CDIN1: variants seen among roughly 807,000 people sequenced by gnomAD.
The protein encoded by CDIN1 is CDAN1 interacting nuclease 1, also known as CDAN1-interacting nuclease 1.
Under a neutral mutation model 45.3 loss-of-function variants are expected in CDIN1, and 33 were observed. That is an observed-to-expected ratio of 0.73 (90% CI 0.55 to 0.97). CDIN1 has a LOEUF of 0.97. Among genes scored for constraint, CDIN1 ranks in the 50% least tolerant of loss-of-function variants. The pLI, the probability that CDIN1 is intolerant of heterozygous loss-of-function variation, is 0.00. For missense variants in CDIN1, 303 were observed against 339.4 expected (o/e 0.89, Z 0.84); for synonymous variants, 118 against 124.4 (o/e 0.95, Z 0.34).
At chr15:36,603,173 TTAAC>T (rs1464195773) in intron 1 of CDIN1, among the ~76,000 whole-genome samples, 1 of 151,966 alleles carries the variant, frequency 6.6e-6, no homozygotes, top group Non-Finnish European at 1.5e-5. Context: ...CTCTCCTTCC[TTAAC>T]TATTAGCCCT....
chr15:36,678,060 C>A (rs531064229), intron 5 of CDIN1, among the ~76,000 whole-genome samples: 3 of 152,320 alleles, frequency 2.0e-5, no homozygotes, highest in Admixed American at 6.5e-5. Flanking sequence ...TTATTTCTTA[C>A]ATGATTATGT....
At chr15:36,751,229 T>TTATATATATATATATATATATATATA (rs10557235) in intron 10 of CDIN1, among the ~76,000 whole-genome samples, 19 of 97,568 alleles carry the variant, frequency 1.9e-4, no homozygotes, top group Non-Finnish European at 2.9e-4. Flanking sequence ...TATGCTTATT[T>TTATATATATATATATATATATATATA]TATATATATA....
chr15:36,721,796 C>T (rs935644695), intron 10 of CDIN1, among the ~76,000 whole-genome samples: 1 of 151,864 alleles, frequency 6.6e-6, no homozygotes, highest in East Asian at 1.9e-4. Context: ...CTCTGTCTGT[C>T]TGTCTGTCTC....
intron 5 of CDIN1, 61 bp downstream of exon 5, chr15:36,657,966 T>C: frequency 7.3e-7 from 1 of 1,372,246 alleles, no homozygotes; most frequent in Non-Finnish European, 1.0e-6. Context: ...TAAAAATAAT[T>C]TACACAGCAT....
chr15:36,589,163 T>G (rs1260678018), intron 1 of CDIN1, among the ~76,000 whole-genome samples: 4 of 152,192 alleles, frequency 2.6e-5, no homozygotes, highest in Admixed American at 6.5e-5. Context: ...GAATTTGCCA[T>G]TGTTTTTATT....
At chr15:36,636,380 A>G (rs749105427) in intron 1 of CDIN1, among the ~76,000 whole-genome samples, 2 of 152,014 alleles carry the variant, frequency 1.3e-5, no homozygotes, top group African/African-American at 2.4e-5. Flanking sequence ...GTGAAACCCC[A>G]TCTCTACTAA....
intron 1 of CDIN1, among the ~76,000 whole-genome samples, chr15:36,590,041 CCTT>C (rs774140964): frequency 6.6e-6 from 1 of 152,180 alleles, no homozygotes; most frequent in Non-Finnish European, 1.5e-5. Flanking sequence ...AGTCAGTAGT[CCTT>C]CTTCGTAAGC....
chr15:36,774,137 T>A (rs182511390), intron 10 of CDIN1, among the ~76,000 whole-genome samples: 1 of 68,294 alleles, frequency 1.5e-5, no homozygotes, highest in Non-Finnish European at 3.6e-5. Flanking sequence ...GACAGGGGTG[T>A]GTGTGTGTGT....
rs770108838 is a variant in CDIN1 at position 36,579,880 on chromosome 15, A to T, written c.20A>T (p.Gln7Leu). The T allele has an allele frequency of 2.5e-6, 4 of 1,613,912 alleles. No individual in the cohort carries two copies. Among genetic ancestry groups the T allele is most frequent in the South Asian group, 1.1e-5 (1 of 91,040 alleles). MILTKAQYDEIAQCLVS... is the reference protein window; with the variant it reads MILTKALYDEIAQCLVS... ...CCCAACATGATACTGACCAAAGCTCAGTACGACGAGATAGCCCAGTGCCTA... is the reference window on the plus strand; with the variant it reads ...CCCAACATGATACTGACCAAAGCTCTGTACGACGAGATAGCCCAGTGCCTA... Residue 7 changes from glutamine to leucine, a missense_variant, in exon 1 of 11, where the codon CAG (glutamine) becomes CTG (leucine). By Grantham distance (113) the Gln-to-Leu change is moderately radical. Coordinates refer to ENST00000566621, the MANE Select transcript of CDIN1 (RefSeq NM_001321759.2).
chr15:36,801,195 A>G (rs549115133), intron 10 of CDIN1, among the ~76,000 whole-genome samples: 1 of 151,782 alleles, frequency 6.6e-6, no homozygotes, highest in Non-Finnish European at 1.5e-5. Context: ...TGTTTATGCA[A>G]TTATGGTAAT....
rs763902384 is a variant in CDIN1 at position 36,808,382 on chromosome 15, C to T, written c.775C>T (p.Arg259Trp). Reference protein sequence around the residue: ...YGFIQELDCNRERGILLKACF... With the variant: ...YGFIQELDCNWERGILLKACF... ...ATTTATCCAGGAGCTGGACTGCAAC[C>T]GGGAAAGGGGCATCCTGCTCAAAGC... Residue 259 changes from arginine (R) to tryptophan (W), a missense_variant, in exon 11 of 11, where the codon CGG becomes TGG. Physicochemically the swap from Arg to Trp is moderately radical, Grantham distance 101. Transcript: ENST00000566621. 2.3e-5 allele frequency: 37 copies of T among 1,613,574 alleles called. No homozygotes were observed. The highest frequency in any genetic ancestry group is 1.5e-4 in the South Asian group (14 of 91,064).
intron 7 of CDIN1, among the ~76,000 whole-genome samples, chr15:36,692,465 G>A (rs949389225): frequency 2.6e-5 from 4 of 152,218 alleles, no homozygotes; most frequent in African/African-American, 7.2e-5. Flanking sequence ...GGCAGGTAAC[G>A]TAATGTCTTG....
At chr15:36,689,192 G>A (rs1460908155) in intron 5 of CDIN1, among the ~76,000 whole-genome samples, 1 of 152,054 alleles carries the variant, frequency 6.6e-6, no homozygotes, top group Non-Finnish European at 1.5e-5. Flanking sequence ...AATTTATATT[G>A]TGAGGAAAAT....
chr15:36,589,213 C>T (rs1197362032), intron 1 of CDIN1, among the ~76,000 whole-genome samples: 1 of 151,838 alleles, frequency 6.6e-6, no homozygotes, highest in Non-Finnish European at 1.5e-5. Context: ...TTGAATTTTC[C>T]TTAGAAACAA....
intron 7 of CDIN1, among the ~76,000 whole-genome samples, chr15:36,696,912 G>C (rs565310806): frequency 5.4e-4 from 75 of 137,686 alleles, no homozygotes; most frequent in Admixed American, 9.0e-4. Flanking sequence ...AGGAGTTTGA[G>C]ACCAGCCTGA....
chr15:36,732,148 C>G lies in CDIN1; in HGVS notation c.716+22187C>G, dbSNP rs192499761. Among the ~76,000 whole-genome samples, 14 of 152,176 alleles carry G rather than the reference C, an allele frequency of 9.2e-5. No individual in the cohort carries two copies. In the East Asian group the frequency reaches 2.7e-3, roughly 29 times the overall value. Reference sequence around the variant, plus strand: ...CAGGACTTCCTTTGCCCCTCTATAGCCAAAAAATAAATTTGAGAAGTTTGG... The same window carrying G: ...CAGGACTTCCTTTGCCCCTCTATAGGCAAAAAATAAATTTGAGAAGTTTGG... On this transcript the variant is annotated intron_variant, in intron 10 of 10. Transcript: ENST00000566621.
intron 10 of CDIN1, among the ~76,000 whole-genome samples, chr15:36,792,233 T>C (rs565215731): frequency 5.3e-5 from 8 of 152,164 alleles, no homozygotes; most frequent in Non-Finnish European, 1.0e-4. Context: ...CTTAGAGCCA[T>C]AGAGTTTGTA....
chr15:36,718,326 A>G (rs901179419), intron 10 of CDIN1, among the ~76,000 whole-genome samples: 1 of 152,136 alleles, frequency 6.6e-6, no homozygotes, highest in Non-Finnish European at 1.5e-5. Flanking sequence ...TTTCAAAGTT[A>G]CATTTTGCTG....
intron 5 of CDIN1, among the ~76,000 whole-genome samples, chr15:36,686,961 G>A (rs1357938033): frequency 1.4e-5 from 2 of 141,846 alleles, no homozygotes; most frequent in East Asian, 4.4e-4. Context: ...TAGGAAGGAA[G>A]GAAAGGGAGG....
Sources: allele counts gnomAD v4.1 joint callset (sites outside exome capture counted in the v4.1 genomes callset), GRCh38; gene constraint gnomAD v4.1.1; transcripts MANE v1.5; gene names NCBI Gene and HGNC (gene_info 2026-07-23, HGNC 2026-07-21).